The following NRG1 variants were observed in gnomAD, a reference collection of about 807,000 sequenced individuals.
The protein encoded by NRG1 is neuregulin 1.
Under a neutral mutation model 63.8 loss-of-function variants are expected in NRG1, and 18 were observed. The ratio of observed to expected loss-of-function variants is 0.28; its 90% CI spans 0.19 to 0.42. The LOEUF is 0.42. Among genes scored for constraint, NRG1 ranks in the 10% least tolerant of loss-of-function variants. NRG1 has a pLI of 1.00. For synonymous variants in NRG1, 302 were observed against 301.3 expected (o/e 1.00, Z -0.02); for missense variants, 762 against 814.7 (o/e 0.94, Z 0.79).
intron 1 of NRG1, among the ~76,000 whole-genome samples, chr8:31,817,503 T>A: frequency 6.6e-6 from 1 of 152,196 alleles, no homozygotes; most frequent in East Asian, 1.9e-4. Flanking sequence ...AGTCAGAACA[T>A]ATGGAGAGCA....
chr8:31,818,773 T>C (rs1437265999), intron 1 of NRG1, among the ~76,000 whole-genome samples: 1 of 152,028 alleles, frequency 6.6e-6, no homozygotes, highest in African/African-American at 2.4e-5. Context: ...TTATAAAAAC[T>C]TAGGCTGGGC....
At chr8:32,655,753 A>T (rs1801338927) in intron 5 of NRG1, among the ~76,000 whole-genome samples, 1 of 152,192 alleles carries the variant, frequency 6.6e-6, no homozygotes, top group Admixed American at 6.5e-5. Context: ...TCCAAAAATC[A>T]CTGCATGAGG....
chr8:31,715,574 C>T (rs980886360), intron 1 of NRG1, among the ~76,000 whole-genome samples: 1 of 151,968 alleles, frequency 6.6e-6, no homozygotes, highest in South Asian at 2.1e-4. Context: ...CTTAACAGTG[C>T]AATTTCTTAT....
intron 5 of NRG1, among the ~76,000 whole-genome samples, chr8:32,686,269 C>T (rs892141294): frequency 6.6e-6 from 1 of 151,990 alleles, no homozygotes; most frequent in Non-Finnish European, 1.5e-5. Flanking sequence ...ATAAGCACTA[C>T]TCATATTGAA....
intron 5 of NRG1, among the ~76,000 whole-genome samples, chr8:32,629,535 C>T (rs12547858): frequency 0.15 from 22,835 of 152,108 alleles, 2,164 homozygotes; most frequent in Admixed American, 0.21. Context: ...AGAAAACCAC[C>T]TTCACTTTAA....
chr8:31,711,171 G>T (rs1486349113), intron 1 of NRG1, among the ~76,000 whole-genome samples: 1 of 151,868 alleles, frequency 6.6e-6, no homozygotes, highest in African/African-American at 2.4e-5. Flanking sequence ...GTTCTGCTTG[G>T]CAGAGCACAT....
intron 1 of NRG1, among the ~76,000 whole-genome samples, chr8:32,209,368 T>C (rs140523674): frequency 1.5e-3 from 227 of 152,002 alleles, no homozygotes; most frequent in African/African-American, 5.2e-3. Context: ...TTCACTGTTT[T>C]TCTAGCTTTT....
rs548472123 is a variant in NRG1 at position 32,389,863 on chromosome 8, C to T, written c.38-205965C>T. Among the ~76,000 whole-genome samples the T allele has an allele frequency of 2.0e-5, 3 of 151,628 alleles. No individual in the cohort carries two copies. The East Asian group carries it at 5.9e-4, about 30-fold the overall frequency. On this transcript the variant is annotated intron_variant, in intron 1 of 10. Coordinates refer to the NRG1 transcript ENST00000519301. ...GCAACCTCTGCCTCCCAGGTTTAAA[C>T]GATTTTCGTTCCTCAGCCTTCCAAT... is the stretch of plus-strand genomic sequence containing the variant.
chr8:32,648,367 A>G, intron 5 of NRG1: 1 of 1,614,038 alleles, frequency 6.2e-7, no homozygotes, highest in Non-Finnish European at 8.5e-7. Flanking sequence ...ACTAATCTCC[A>G]AACTGCTCCT....
In NRG1 at chr8:32,747,732, G is replaced by GTATATATATATATATATATATA. The variant is rs35663919; in HGVS notation, c.691+5004_691+5025dup. ...TGTTTGTGTGCATATATGTGTGTGT[G>GTATATATATATATATATATATA]TATATATATATATATATATATATAT... On this transcript the variant is annotated intron_variant, in intron 7 of 11. Transcript: ENST00000356819. Among the ~76,000 whole-genome samples the GTATATATATATATATATATATA allele has an allele frequency of 3.3e-3, 429 of 131,960 alleles. 8 individuals carry two copies. The highest frequency in any genetic ancestry group is 0.012 in the African/African-American group (413 of 33,546). The allele number at this position is 131,960 out of a possible 152,430, so 86.6% of individuals were successfully genotyped here.
chr8:31,875,083 T>C lies in NRG1; in HGVS notation c.37+235652T>C, dbSNP rs1829802975. Among the ~76,000 whole-genome samples, 5 of 152,170 alleles carry C rather than the reference T, an allele frequency of 3.3e-5. No homozygotes were observed. In the South Asian group the frequency reaches 1.0e-3, roughly 32 times the overall value. Reference sequence around the variant, plus strand: ...GAGAGTGGCCATCTAAGTGATGCCGTTGAGGAAGCTGCCTTTCCCCTAATT... The same window carrying C: ...GAGAGTGGCCATCTAAGTGATGCCGCTGAGGAAGCTGCCTTTCCCCTAATT... On this transcript the variant is annotated intron_variant, in intron 1 of 10. Transcript: ENST00000519301.
intron 1 of NRG1, among the ~76,000 whole-genome samples, chr8:31,934,775 AT>A (rs990626684): frequency 6.6e-6 from 1 of 151,738 alleles, no homozygotes. Flanking sequence ...CTACCTATCT[AT>A]TTTTTTCTCA....
At chr8:31,817,642 C>A (rs1214406705) in intron 1 of NRG1, among the ~76,000 whole-genome samples, 1 of 152,136 alleles carries the variant, frequency 6.6e-6, no homozygotes, top group Non-Finnish European at 1.5e-5. Context: ...TGGTTGACTT[C>A]TTCACTCTGT....
intron 1 of NRG1, chr8:32,287,280 A>G (rs1236944612): frequency 7.3e-6 from 1 of 136,410 alleles, no homozygotes; most frequent in African/African-American, 2.6e-5. Context: ...GGCCAGAGCA[A>G]GTCACAGAAC....
At chr8:31,869,356 G>A (rs1021237006) in intron 1 of NRG1, among the ~76,000 whole-genome samples, 2 of 152,074 alleles carry the variant, frequency 1.3e-5, no homozygotes, top group Non-Finnish European at 1.5e-5. Context: ...GTGCATATAT[G>A]AGCTGTCACT....
chr8:32,329,653 A>T (rs1243681680), intron 1 of NRG1, among the ~76,000 whole-genome samples: 1 of 152,140 alleles, frequency 6.6e-6, no homozygotes, highest in East Asian at 1.9e-4. Flanking sequence ...TAGGCTTAGC[A>T]TCATGCTCTT....
At chr8:31,878,704 T>A (rs186525052) in intron 1 of NRG1, among the ~76,000 whole-genome samples, 2 of 152,282 alleles carry the variant, frequency 1.3e-5, no homozygotes, top group Non-Finnish European at 2.9e-5. Flanking sequence ...AAGGATCTAT[T>A]TCATGAGTCA....
In NRG1 at chr8:32,203,170, G is replaced by C. The variant is rs1328701640; in HGVS notation, c.38-392658G>C. Reference sequence around the variant, plus strand: ...TGTCAGATGTGTTGGTAATCTTGGGGAACTTTAAGCAAGCCAGCTTTTTTT... The same window carrying C: ...TGTCAGATGTGTTGGTAATCTTGGGCAACTTTAAGCAAGCCAGCTTTTTTT... On this transcript the variant is annotated intron_variant, in intron 1 of 10. Coordinates refer to the NRG1 transcript ENST00000519301. Among the ~76,000 whole-genome samples the C allele has an allele frequency of 8.7e-5, 13 of 149,366 alleles. 1 individual carries two copies. The highest frequency in any genetic ancestry group is 3.2e-4 in the African/African-American group (13 of 40,504).
At chr8:31,944,576 C>T (rs1304780798) in intron 1 of NRG1, among the ~76,000 whole-genome samples, 1 of 152,092 alleles carries the variant, frequency 6.6e-6, no homozygotes, top group Non-Finnish European at 1.5e-5. Context: ...TAATTTGTAC[C>T]ACCATAATTC....
Sources: gnomAD v4.1 joint callset for allele counts (sites outside exome capture counted in the v4.1 genomes callset) on GRCh38, gnomAD v4.1.1 for gene constraint, MANE v1.5 for transcripts, NCBI Gene and HGNC (gene_info 2026-07-23, HGNC 2026-07-21) for gene names.